EEA1: variants seen among roughly 807,000 people sequenced by gnomAD.
The protein encoded by EEA1 is early endosome antigen 1, 162kD.
In EEA1, 111 loss-of-function variants were observed where a neutral mutation model predicts 209.2. The ratio of observed to expected loss-of-function variants is 0.53; its 90% CI spans 0.45 to 0.62. EEA1 has a LOEUF of 0.62. Among genes scored for constraint, EEA1 ranks in the 20% least tolerant of loss-of-function variants. EEA1 has a pLI of 0.00. For missense variants in EEA1, 1,343 were observed against 1,530.8 expected (o/e 0.88, Z 2.05); for synonymous variants, 536 against 540.6 (o/e 0.99, Z 0.12).
Position 92,929,103 on chromosome 12 carries a change from C to G in EEA1, c.-37G>C. 1.9e-6 allele frequency: 3 copies of G among 1,571,362 alleles called. No homozygotes were observed. The highest frequency in any genetic ancestry group is 2.6e-6 in the Non-Finnish European group (3 of 1,159,332). Reference sequence around the variant, plus strand: ...CACCCGGCGCCGCCGCGGTGACTCTCCAGACCCTGCGCGGGGCCACTCACT... The same window carrying G: ...CACCCGGCGCCGCCGCGGTGACTCTGCAGACCCTGCGCGGGGCCACTCACT... On this transcript the variant is annotated 5_prime_UTR_variant, in exon 1 of 29. Coordinates refer to ENST00000322349, the MANE Select transcript of EEA1 (RefSeq NM_003566.4).
chr12:92,874,183 T>C (rs1878775930), intron 2 of EEA1, among the ~76,000 whole-genome samples: 1 of 151,166 alleles, frequency 6.6e-6, no homozygotes, highest in Non-Finnish European at 1.5e-5. Flanking sequence ...TAGCCAGGCA[T>C]GGTGGCATGC....
intron 6 of EEA1, 26 bp from the exon 7 acceptor site, chr12:92,853,051 A>C (rs2136710577): frequency 1.4e-6 from 2 of 1,405,962 alleles, no homozygotes; most frequent in South Asian, 1.2e-5. Flanking sequence ...GCAGTTATTC[A>C]AATACCATGT....
intron 14 of EEA1, among the ~76,000 whole-genome samples, chr12:92,817,335 A>G (rs1304251631): frequency 6.6e-6 from 1 of 151,678 alleles, no homozygotes; most frequent in Non-Finnish European, 1.5e-5. Context: ...TTTTTGTTTT[A>G]TCTCTAAAAG....
At chr12:92,858,697 A>G in intron 3 of EEA1, 1 of 737,628 alleles carries the variant, frequency 1.4e-6, no homozygotes, top group Non-Finnish European at 2.5e-6. Flanking sequence ...CACAATTGTT[A>G]TATCTGTTTG....
chr12:92,915,657 T>C (rs975755329), intron 1 of EEA1, among the ~76,000 whole-genome samples: 3 of 152,316 alleles, frequency 2.0e-5, no homozygotes, highest in African/African-American at 2.4e-5. Flanking sequence ...CAACTGATAT[T>C]TTCCCTACAA....
At chr12:92,809,817 C>T (rs1475750765) in intron 17 of EEA1, among the ~76,000 whole-genome samples, 1 of 152,136 alleles carries the variant, frequency 6.6e-6, no homozygotes, top group Non-Finnish European at 1.5e-5. Context: ...AACAGGTTCA[C>T]TGATCTACTC....
At chr12:92,899,185 G>C (rs1226133514) in intron 1 of EEA1, among the ~76,000 whole-genome samples, 1 of 151,212 alleles carries the variant, frequency 6.6e-6, no homozygotes, top group Non-Finnish European at 1.5e-5. Flanking sequence ...TTTGGTTGTC[G>C]ATACCAGGAG....
chr12:92,782,153 C>A lies in EEA1; in HGVS notation c.3151-18G>T. 6.3e-7 allele frequency: 1 copy of A among 1,580,804 alleles called. No homozygotes were observed. Among genetic ancestry groups the A allele is most frequent in the Non-Finnish European group, 8.6e-7 (1 of 1,162,754 alleles). ...TCTACAGACTTACAAAAACAATTTT[C>A]CCAAATTATTATATGCCATGTTTTT... On this transcript the variant is annotated intron_variant, in intron 22 of 28. Transcript: ENST00000322349.
intron 10 of EEA1, among the ~76,000 whole-genome samples, chr12:92,841,131 T>C (rs1877146347): frequency 1.3e-5 from 2 of 152,208 alleles, no homozygotes; most frequent in African/African-American, 2.4e-5. Flanking sequence ...ACCCAGTTTA[T>C]AGTATCTTAT....
intron 1 of EEA1, among the ~76,000 whole-genome samples, chr12:92,923,069 C>T (rs1411599134): frequency 3.4e-5 from 5 of 148,396 alleles, no homozygotes; most frequent in Admixed American, 1.3e-4. Flanking sequence ...ATTCTCTGGC[C>T]GGGCGCGGTG....
intron 10 of EEA1, among the ~76,000 whole-genome samples, chr12:92,841,789 G>C (rs1053615045): frequency 2.0e-5 from 3 of 152,116 alleles, no homozygotes; most frequent in Non-Finnish European, 4.4e-5. Flanking sequence ...GAATATAAAA[G>C]GGTTACAGCC....
At chr12:92,869,552 T>C (rs1163130453) in intron 2 of EEA1, among the ~76,000 whole-genome samples, 2 of 149,290 alleles carry the variant, frequency 1.3e-5, no homozygotes, top group Admixed American at 6.7e-5. Flanking sequence ...TAGACTACCC[T>C]AGCCAACATG....
chr12:92,918,844 G>A (rs1443077814), intron 1 of EEA1, among the ~76,000 whole-genome samples: 11 of 134,138 alleles, frequency 8.2e-5, no homozygotes, highest in East Asian at 2.1e-4. Context: ...TTGATAGACC[G>A]CTAGCAAGAC....
intron 1 of EEA1, among the ~76,000 whole-genome samples, chr12:92,897,627 G>A (rs1056048129): frequency 4.6e-5 from 7 of 152,126 alleles, no homozygotes; most frequent in Middle Eastern, 3.4e-3. Context: ...TCTTTGCTTT[G>A]CTGGGCGTTT....
chr12:92,855,349 G>A (rs1277180457), intron 5 of EEA1, among the ~76,000 whole-genome samples: 1 of 150,986 alleles, frequency 6.6e-6, no homozygotes, highest in Non-Finnish European at 1.5e-5. Context: ...AGAATGCTGT[G>A]AACATGGGAG....
At chr12:92,788,283 T>TTA (rs1041158015) in intron 21 of EEA1, among the ~76,000 whole-genome samples, 1 of 150,450 alleles carries the variant, frequency 6.6e-6, no homozygotes, top group African/African-American at 2.5e-5. Context: ...TTTTTTTTTT[T>TTA]AAAAAGGCAT....
At chr12:92,829,611 T>A (rs2136690409) in intron 11 of EEA1, among the ~76,000 whole-genome samples, 1 of 151,774 alleles carries the variant, frequency 6.6e-6, no homozygotes. Flanking sequence ...AAACCCCATA[T>A]CTACTGAAAT....
At chr12:92,859,373 T>C (rs1238868776) in intron 3 of EEA1, 1 of 719,994 alleles carries the variant, frequency 1.4e-6, no homozygotes, top group East Asian at 2.7e-5. Context: ...TTTCCTGTCC[T>C]GTTTCAGCAC....
At chr12:92,899,718 T>C (rs1880071958) in intron 1 of EEA1, among the ~76,000 whole-genome samples, 2 of 152,218 alleles carry the variant, frequency 1.3e-5, no homozygotes, top group Admixed American at 6.5e-5. Context: ...TTGGAAGAAT[T>C]AGGGGAGAGG....
Sources: gnomAD v4.1 joint callset for allele counts (sites outside exome capture counted in the v4.1 genomes callset) on GRCh38, gnomAD v4.1.1 for gene constraint, MANE v1.5 for transcripts, NCBI Gene and HGNC (gene_info 2026-07-23, HGNC 2026-07-21) for gene names.